The following UCK2 variants were observed in gnomAD, a reference collection of about 807,000 sequenced individuals.
UCK2 encodes the protein cytidine monophosphokinase 2.
UCK2 carries 6 observed loss-of-function variants against 30.8 expected under a neutral mutation model. The observed-to-expected ratio is 0.19, with a 90% CI of 0.11 to 0.38. The LOEUF (loss-of-function observed/expected upper bound fraction) is 0.38. Ranked by LOEUF, UCK2 falls within the 10% of genes least tolerant of loss-of-function variation. The pLI is 1.00. For synonymous variants in UCK2, 125 were observed against 133.6 expected (o/e 0.94, Z 0.45); for missense variants, 210 against 339.8 (o/e 0.62, Z 3.00).
rs996552665 is a variant in UCK2 at position 165,828,021 on chromosome 1, G to C, written c.99+89G>C. 12 of 1,038,162 alleles carry C rather than the reference G, an allele frequency of 1.2e-5. No individual in the cohort carries two copies. The Admixed American group carries it at 1.4e-4, about 12-fold the overall frequency. The allele number at this position is 1,038,162 out of a possible 1,614,324, so 64.3% of individuals were successfully genotyped here. A position where few individuals can be genotyped will look rare whatever the true frequency, so the allele number is the denominator to read the frequency against. ...GGCGGCCGCGGGCCGTGTCAGTTGCGGCAGCCACCGCGTGGCCCGCGCGCC... is the reference window on the plus strand; with the variant it reads ...GGCGGCCGCGGGCCGTGTCAGTTGCCGCAGCCACCGCGTGGCCCGCGCGCC... On this transcript the variant is annotated intron_variant, in intron 1 of 6. Coordinates refer to ENST00000367879, the MANE Select transcript of UCK2 (RefSeq NM_012474.5).
intron 4 of UCK2, 35 bp downstream of exon 4, chr1:165,896,367 G>A: frequency 1.9e-6 from 3 of 1,612,320 alleles, no homozygotes; most frequent in East Asian, 4.5e-5. Context: ...CCCTGTTGGT[G>A]GCCACCTTGA....
At chr1:165,843,681 G>A (rs1306914774) in intron 1 of UCK2, among the ~76,000 whole-genome samples, 6 of 152,174 alleles carry the variant, frequency 3.9e-5, no homozygotes, top group Non-Finnish European at 5.9e-5. Flanking sequence ...AAGAGGCTGA[G>A]GTAGGAGGAT....
chr1:165,850,650 G>C (rs1372214390), intron 1 of UCK2, among the ~76,000 whole-genome samples: 2 of 140,492 alleles, frequency 1.4e-5, no homozygotes, highest in Non-Finnish European at 1.5e-5. Context: ...GTGGAGTCTG[G>C]TTCTGTTGCC....
At chr1:165,905,111 A>G (rs1427733970) in intron 5 of UCK2, among the ~76,000 whole-genome samples, 1 of 152,192 alleles carries the variant, frequency 6.6e-6, no homozygotes, top group South Asian at 2.1e-4. Context: ...TCCTAGTGGA[A>G]TAGAGGCAAT....
intron 1 of UCK2, among the ~76,000 whole-genome samples, chr1:165,880,365 T>C (rs1655454789): frequency 6.6e-6 from 1 of 152,194 alleles, no homozygotes; most frequent in African/African-American, 2.4e-5. Context: ...CCCAGTTTGT[T>C]GTTTTTCACT....
At chr1:165,832,861 A>G (rs1274047497) in intron 1 of UCK2, among the ~76,000 whole-genome samples, 4 of 152,268 alleles carry the variant, frequency 2.6e-5, no homozygotes, top group Middle Eastern at 6.8e-3. Flanking sequence ...TGCTGAGATT[A>G]CAGGCATGAG....
At position 165,909,342 on chromosome 1, in the gene UCK2, T is replaced by C. The variant is rs1647776858; in HGVS notation, c.*1519T>C. ...CCCTAGTGCTTGGTGGACTGTGCCC[T>C]TAGCTATCCCACTGTGGCTGCCATT... On this transcript the variant is annotated 3_prime_UTR_variant, in exon 7 of 7. Coordinates refer to ENST00000367879, the MANE Select transcript of UCK2 (RefSeq NM_012474.5). 1 of 152,256 alleles carries C rather than the reference T, an allele frequency of 6.6e-6. No homozygotes were observed. The highest frequency in any genetic ancestry group is 2.4e-5 in the African/African-American group (1 of 41,452). The allele number at this position is 152,256 out of a possible 1,614,324, so 9.4% of individuals were successfully genotyped here.
intron 1 of UCK2, among the ~76,000 whole-genome samples, chr1:165,860,533 C>T (rs1325558021): frequency 1.3e-5 from 2 of 152,082 alleles, no homozygotes; most frequent in Non-Finnish European, 2.9e-5. Context: ...ACTGCAGCTT[C>T]GACCTCCCAG....
intron 6 of UCK2, among the ~76,000 whole-genome samples, chr1:165,906,261 G>T (rs576215512): frequency 1.1e-4 from 17 of 152,346 alleles, no homozygotes; most frequent in Admixed American, 3.9e-4. Context: ...TGGGTACTTT[G>T]CTTCTGAGGC....
In UCK2 at chr1:165,896,172, C is replaced by T. The variant is rs200650940; in HGVS notation, c.357-18C>T. The T allele has an allele frequency of 2.4e-4, 381 of 1,613,742 alleles. 1 individual carries two copies. Among genetic ancestry groups the T allele is most frequent in the Non-Finnish European group, 3.1e-4 (366 of 1,179,924 alleles). The stretch of plus-strand genomic sequence containing the variant: ...GCCCCTGCCTGGCTTGGCCCATTAT[C>T]TGCTCTGTGCTTTGCAGGAAGGAGG... On this transcript the variant is annotated intron_variant, in intron 3 of 6. Transcript: ENST00000367879.
Position 165,887,483 on chromosome 1 carries a change from G to A in UCK2, c.100-2721G>A, listed in dbSNP as rs772885205. 1.1e-3 allele frequency among the ~76,000 whole-genome samples: 165 copies of A among 152,204 alleles called. 1 individual carries two copies. The highest frequency in any genetic ancestry group is 1.9e-3 in the Non-Finnish European group (131 of 68,012). ...TTTAATATGCTTTTTTGATGGTGAT[G>A]GGATTGCTATTTACATTAAAAACAT... On this transcript the variant is annotated intron_variant, in intron 1 of 6. Coordinates refer to ENST00000367879, the MANE Select transcript of UCK2 (RefSeq NM_012474.5).
intron 1 of UCK2, among the ~76,000 whole-genome samples, chr1:165,864,886 A>C (rs4657484): frequency 0.67 from 101,149 of 151,422 alleles, 33,934 homozygotes; most frequent in South Asian, 0.77. Flanking sequence ...GAGGTTCTCA[A>C]TGTGTTGCCC....
intron 6 of UCK2, among the ~76,000 whole-genome samples, chr1:165,906,407 C>T (rs1005389258): frequency 3.3e-5 from 5 of 152,124 alleles, no homozygotes; most frequent in African/African-American, 4.8e-5. Flanking sequence ...ACTTTAGAGA[C>T]GAGGTCTTGC....
chr1:165,882,405 T>C (rs1362984446), intron 1 of UCK2, among the ~76,000 whole-genome samples: 1 of 152,196 alleles, frequency 6.6e-6, no homozygotes, highest in Non-Finnish European at 1.5e-5. Context: ...ATCACTTCTG[T>C]TGAAAGTGAC....
chr1:165,861,627 C>CAA (rs1223282712), intron 1 of UCK2, among the ~76,000 whole-genome samples: 219 of 15,884 alleles, frequency 0.014, 29 homozygotes, highest in Non-Finnish European at 0.02. Flanking sequence ...GACTCCGTCT[C>CAA]AAAAAAAAAA....
At chr1:165,895,450 T>A (rs10918304) in intron 3 of UCK2, 284,114 of 983,200 alleles carry the variant, frequency 0.29, 42,355 homozygotes, top group East Asian at 0.49. Context: ...AAGTCATGTT[T>A]ACAATTAGTG....
At chr1:165,887,290 A>G (rs1220794922) in intron 1 of UCK2, among the ~76,000 whole-genome samples, 2 of 152,206 alleles carry the variant, frequency 1.3e-5, no homozygotes, top group African/African-American at 4.8e-5. Context: ...CAACACAATT[A>G]GTCATACTGT....
At chr1:165,847,211 C>G (rs942785174) in intron 1 of UCK2, among the ~76,000 whole-genome samples, 2 of 152,064 alleles carry the variant, frequency 1.3e-5, no homozygotes, top group Admixed American at 1.3e-4. Flanking sequence ...CAAAGTTACT[C>G]GCTGTGTGTC....
At chr1:165,868,000 C>T (rs553469309) in intron 1 of UCK2, among the ~76,000 whole-genome samples, 20 of 152,324 alleles carry the variant, frequency 1.3e-4, no homozygotes, top group East Asian at 1.9e-4. Flanking sequence ...CAAAATCACT[C>T]TGATCCATGG....
Sources: gnomAD v4.1 joint callset for allele counts (sites outside exome capture counted in the v4.1 genomes callset) on GRCh38, gnomAD v4.1.1 for gene constraint, MANE v1.5 for transcripts, NCBI Gene and HGNC (gene_info 2026-07-23, HGNC 2026-07-21) for gene names.